Variants in ZFP64 observed in about 807,000 individuals in gnomAD.
ZFP64 encodes ZFP64 zinc finger protein, also known as zinc finger protein 64.
A neutral mutation model predicts 51.6 loss-of-function variants in ZFP64; 14 were observed. That is an observed-to-expected ratio of 0.27 (90% CI 0.18 to 0.42). ZFP64 has a LOEUF of 0.42. Among genes scored for constraint, ZFP64 ranks in the 10% least tolerant of loss-of-function variants. The pLI, the probability that ZFP64 is intolerant of heterozygous loss-of-function variation, is 1.00. For synonymous variants in ZFP64, 375 were observed against 361.4 expected (o/e 1.04, Z -0.43); for missense variants, 754 against 906.8 (o/e 0.83, Z 2.16).
chr20:52,151,327 C>T lies in ZFP64; in HGVS notation c.*819G>A. 1.0e-6 allele frequency: 1 copy of T among 985,354 alleles called. No individual in the cohort carries two copies. Among genetic ancestry groups the T allele is most frequent in the Middle Eastern group, 5.2e-4 (1 of 1,914 alleles). 61.0% of individuals were successfully genotyped at this position (985,354 alleles called of 1,614,324 possible). The stretch of plus-strand genomic sequence containing the variant: ...ATTATGGAACCATTCATTTTCTGCT[C>T]ATTAGCACTAAACATTTTTTTTTGG... On this transcript the variant is annotated 3_prime_UTR_variant, in exon 6 of 6. Transcript: ENST00000216923.
In ZFP64 at chr20:52,144,165, G is replaced by A. The variant is rs190518866; in HGVS notation, c.763+15958C>T. 4.2e-3 allele frequency among the ~76,000 whole-genome samples: 603 copies of A among 143,388 alleles called. 84 individuals carry two copies. Among genetic ancestry groups the A allele is most frequent in the Non-Finnish European group, 5.5e-3 (351 of 64,368 alleles). 94.1% of individuals were successfully genotyped at this position (143,388 alleles called of 152,430 possible). A position where few individuals can be genotyped will look rare whatever the true frequency, so the allele number is the denominator to read the frequency against. ...TAAAAAATTATCTTTTAACACAGGT[G>A]AAGGCATAATGGAAAATATATAGCT... On this transcript the variant is annotated intron_variant, in intron 5 of 8. Transcript: ENST00000361387.
chr20:52,171,866 A>G (rs1982768886), intron 2 of ZFP64, among the ~76,000 whole-genome samples: 1 of 147,916 alleles, frequency 6.8e-6, no homozygotes, highest in Non-Finnish European at 1.5e-5. Context: ...TCCCGCCTCA[A>G]CCTCCTGAGT....
At chr20:52,087,050 CTGGG>C (rs2078872431) in intron 8 of ZFP64, among the ~76,000 whole-genome samples, 1 of 152,100 alleles carries the variant, frequency 6.6e-6, no homozygotes, top group Non-Finnish European at 1.5e-5. Context: ...GATAGTTTGG[CTGGG>C]TATAGAATTC....
intron 5 of ZFP64, among the ~76,000 whole-genome samples, chr20:52,122,118 A>T (rs1299532009): frequency 1.3e-5 from 2 of 152,230 alleles, no homozygotes; most frequent in African/African-American, 4.8e-5. Flanking sequence ...AAGAGCTCTG[A>T]TGTAGATGTA....
chr20:52,155,636 T>G (rs569621431), intron 5 of ZFP64, among the ~76,000 whole-genome samples: 1 of 151,744 alleles, frequency 6.6e-6, no homozygotes, highest in East Asian at 1.9e-4. Flanking sequence ...GGTTTTAAAT[T>G]CCTTTGTCTT....
chr20:52,123,022 C>G (rs528498433), intron 5 of ZFP64, among the ~76,000 whole-genome samples: 19 of 152,028 alleles, frequency 1.2e-4, no homozygotes, highest in Middle Eastern at 6.8e-3. Context: ...GAGTCTCACT[C>G]TGTCACCCAG....
intron 5 of ZFP64, chr20:52,117,797 TTC>T (rs1397558598): frequency 4.9e-6 from 2 of 407,818 alleles, no homozygotes; most frequent in Admixed American, 5.9e-5. Context: ...ATGATTATTA[TTC>T]TTTTTGAGAT....
intron 4 of ZFP64, among the ~76,000 whole-genome samples, chr20:52,161,269 C>A (rs1425960640): frequency 6.6e-6 from 1 of 152,146 alleles, no homozygotes; most frequent in African/African-American, 2.4e-5. Flanking sequence ...CTGTGAACTA[C>A]TGCTAACTTT....
intron 2 of ZFP64, among the ~76,000 whole-genome samples, chr20:52,181,464 G>A (rs62215774): frequency 0.079 from 11,959 of 152,148 alleles, 538 homozygotes; most frequent in Non-Finnish European, 0.1. Context: ...TAAGTCACAT[G>A]CCAGACAACG....
At chr20:52,096,011 G>C (rs1256082356) in intron 7 of ZFP64, among the ~76,000 whole-genome samples, 1 of 152,172 alleles carries the variant, frequency 6.6e-6, no homozygotes. Flanking sequence ...GTCTTCCAAG[G>C]TGAAGATCAA....
chr20:52,166,942 A>AT (rs1194505119), intron 2 of ZFP64, among the ~76,000 whole-genome samples: 1 of 139,472 alleles, frequency 7.2e-6, no homozygotes, highest in African/African-American at 2.7e-5. Flanking sequence ...CAGCATAAGT[A>AT]TTTCCCCCCC....
chr20:52,168,436 T>A (rs1162863096), intron 2 of ZFP64, among the ~76,000 whole-genome samples: 1 of 152,212 alleles, frequency 6.6e-6, no homozygotes, highest in African/African-American at 2.4e-5. Flanking sequence ...GACAGCAGCA[T>A]TGGAGCTGCC....
intron 2 of ZFP64, among the ~76,000 whole-genome samples, chr20:52,181,937 G>T (rs1315950249): frequency 2.0e-5 from 3 of 152,126 alleles, no homozygotes; most frequent in African/African-American, 7.2e-5. Flanking sequence ...TGTTTAGTTG[G>T]CACAGAGGCA....
intron 8 of ZFP64, among the ~76,000 whole-genome samples, chr20:52,086,769 C>T (rs976868438): frequency 3.3e-5 from 5 of 152,128 alleles, no homozygotes; most frequent in Admixed American, 2.0e-4. Context: ...TGAGCCACCG[C>T]GCCCGGCCCT....
chr20:52,168,542 A>G (rs923621068), intron 2 of ZFP64, among the ~76,000 whole-genome samples: 4 of 152,192 alleles, frequency 2.6e-5, no homozygotes, highest in African/African-American at 9.7e-5. Flanking sequence ...TGCTCTAACA[A>G]GCCCTCCAGG....
chr20:52,177,084 C>A (rs1983283449), intron 2 of ZFP64, among the ~76,000 whole-genome samples: 1 of 140,822 alleles, frequency 7.1e-6, no homozygotes, highest in South Asian at 2.6e-4. Flanking sequence ...TTCCTCAGAT[C>A]TGTTGAGCAC....
chr20:52,108,946 T>C (rs1236365975), intron 5 of ZFP64, among the ~76,000 whole-genome samples: 1 of 150,920 alleles, frequency 6.6e-6, no homozygotes, highest in African/African-American at 2.4e-5. Context: ...CAAAGTATCA[T>C]TGGCCATGCG....
chr20:52,088,198 C>G (rs552608417), intron 8 of ZFP64: 118 of 837,362 alleles, frequency 1.4e-4, no homozygotes, highest in Non-Finnish European at 2.1e-4. Flanking sequence ...TAAAACCCAG[C>G]TGTCAGTCAT....
intron 5 of ZFP64, among the ~76,000 whole-genome samples, chr20:52,136,575 A>C (rs1979993036): frequency 6.6e-6 from 1 of 152,220 alleles, no homozygotes; most frequent in African/African-American, 2.4e-5. Context: ...AACTGAAAAT[A>C]AACTGTATCT....
Sources: gnomAD v4.1 joint callset for allele counts (sites outside exome capture counted in the v4.1 genomes callset) on GRCh38, gnomAD v4.1.1 for gene constraint, MANE v1.5 for transcripts, NCBI Gene and HGNC (gene_info 2026-07-23, HGNC 2026-07-21) for gene names.